Variants in CLUH observed in about 807,000 individuals in gnomAD.
CLUH encodes the protein CLUH binding protein of NUMT mRNA, also known as clustered mitochondria protein homolog.
CLUH carries 77 observed loss-of-function variants against 139.3 expected under a neutral mutation model. The observed-to-expected ratio is 0.55, with a 90% CI of 0.46 to 0.67. The LOEUF is 0.67. CLUH is among the 30% of genes least tolerant of loss of function. The probability of loss-of-function intolerance (pLI) is 0.00; values close to 1 mark genes in which losing one functional copy is unlikely to be tolerated. For synonymous variants in CLUH, 999 were observed against 801.6 expected, an observed-to-expected ratio of 1.25 and a Z score of -4.16; for missense variants, 1,876 against 1,875.8, an observed-to-expected ratio of 1.00 and a Z score of 0.00.
At chr17:2,702,686 G>A (rs918949159) in intron 3 of CLUH, among the ~76,000 whole-genome samples, 4 of 152,116 alleles carry the variant, frequency 2.6e-5, no homozygotes, top group Admixed American at 1.3e-4. Context: ...GCACCTCCCC[G>A]TGCCCGACCT....
rs2069936238 is a variant in CLUH at position 2,696,235 on chromosome 17, T to C, written c.2315A>G (p.Gln772Arg). 6.3e-7 allele frequency: 1 copy of C among 1,575,310 alleles called. No individual in the cohort carries two copies. Among genetic ancestry groups the C allele is most frequent in the Non-Finnish European group, 8.6e-7 (1 of 1,161,074 alleles). ...CTGCTTCTGGTCCCGAACTTCATCC[T>C]GGCAGGACTCAGGGAAACGAACCCC... is the stretch of plus-strand genomic sequence containing the variant. ...SPGVRFPESCQDEVRDQKQLL... is the reference protein window; with the variant it reads ...SPGVRFPESCRDEVRDQKQLL... The change falls in exon 13 of 26, where the codon CAG (glutamine) becomes CGG (arginine). Residue 772 changes from glutamine (Q) to arginine (R), a missense_variant. This residue lies in a region of CLUH where 1,454 missense variants were observed against 1,384.4 expected (regional missense o/e 1.05). Transcript: ENST00000651024.
rs930234409 is a variant in CLUH, at chr17:2,703,702, C to T, written c.304-213G>A. ...CTTTTAAATCCAGGCCATGTCCACA[C>T]ATGCCATGCCCTGTGTGTGCAGCCT... is the stretch of plus-strand genomic sequence containing the variant. On this transcript the variant is annotated intron_variant, in intron 2 of 25. Coordinates refer to ENST00000651024, the MANE Select transcript of CLUH (RefSeq NM_001366661.1). This position sits in a 1 kb window ranked among gnomAD's most constrained non-coding sequence, Gnocchi z 4.2. Among the ~76,000 whole-genome samples the T allele has an allele frequency of 1.3e-5, 2 of 152,198 alleles. No homozygotes were observed. The highest frequency in any genetic ancestry group is 4.8e-5 in the African/African-American group (2 of 41,452).
chr17:2,691,623 G>A lies in CLUH; in HGVS notation c.3849C>T (p.Leu1283=), dbSNP rs750781520. Residue 1283 remains leucine, a synonymous_variant, in exon 25 of 26, where the codon CTC becomes CTT. Transcript: ENST00000651024. ...LEQLNVINGI[L]FIPLSQKDLE... Reference sequence around the variant, plus strand: ...GGAGGCCTCACCTGAGAGGAATGAAGAGGATGCCGTTAATGACGTTCAGCT... The same window carrying A: ...GGAGGCCTCACCTGAGAGGAATGAAAAGGATGCCGTTAATGACGTTCAGCT... 5 of 1,612,692 alleles carry A rather than the reference G, an allele frequency of 3.1e-6. No individual in the cohort carries two copies. The highest frequency in any genetic ancestry group is 2.2e-5 in the East Asian group (1 of 44,798).
At chr17:2,702,533 G>C (rs929256239) in intron 3 of CLUH, among the ~76,000 whole-genome samples, 1 of 152,202 alleles carries the variant, frequency 6.6e-6, no homozygotes, top group Non-Finnish European at 1.5e-5. Flanking sequence ...TCTTTTGGTG[G>C]AGGGGAGAGG....
At chr17:2,693,114 A>G (rs1421862471) in intron 19 of CLUH, among the ~76,000 whole-genome samples, 1 of 142,544 alleles carries the variant, frequency 7.0e-6, no homozygotes, top group Non-Finnish European at 1.5e-5. Flanking sequence ...ACACCCAAAT[A>G]CAAACCTAAA....
At position 2,698,550 on chromosome 17, in the gene CLUH, A is replaced by G; in HGVS notation, c.1307T>C (p.Met436Thr). ...DFTAAATRGAMAVIDGNVMAI... is the reference protein window; with the variant it reads ...DFTAAATRGATAVIDGNVMAI... The stretch of plus-strand genomic sequence containing the variant: ...CATCACGTTGCCGTCAATGACGGCC[A>G]TGGCGCCCCTGGTGGCTGCCGCGGT... Residue 436 changes from methionine to threonine, a missense_variant, in exon 10 of 26, where the codon ATG (methionine) becomes ACG (threonine). Physicochemically the swap from Met to Thr is moderately conservative, Grantham distance 81. Around this residue, in one of 3 missense-constraint regions of CLUH, gnomAD observed 1,454 missense variants for 1,384.4 expected, o/e 1.05. Coordinates refer to ENST00000651024, the MANE Select transcript of CLUH (RefSeq NM_001366661.1). 6.2e-7 allele frequency: 1 copy of G among 1,610,690 alleles called. No homozygotes were observed.
intron 1 of CLUH, among the ~76,000 whole-genome samples, chr17:2,708,308 A>T (rs773658786): frequency 3.9e-5 from 6 of 152,186 alleles, no homozygotes; most frequent in Non-Finnish European, 8.8e-5. Context: ...AGGCCTAGAC[A>T]GAGCCCCTCT....
At chr17:2,694,679 C>T in intron 16 of CLUH, 115 bp from the exon 17 acceptor site, 6 of 1,307,394 alleles carry the variant, frequency 4.6e-6, no homozygotes, top group East Asian at 5.1e-5. Flanking sequence ...CCCCACCCGG[C>T]CCCCGGGAGC....
rs776234896 is a variant in CLUH, at chr17:2,691,762, T to C, written c.3788A>G (p.Lys1263Arg). ...NGSSANIPPL[K>R]FTAPSMASVL... ...GGGGCCGCTCCGCCCCGGACTCACC[T>C]TGAGGGGCGGGATGTTGGCGCTGGA... The change falls in exon 24 of 26, where the codon AAG (lysine) becomes AGG (arginine). Residue 1263 changes from lysine (K) to arginine (R), a missense_variant and splice_region_variant. Transcript: ENST00000651024. The C allele has an allele frequency of 5.0e-6, 8 of 1,596,326 alleles. No individual in the cohort carries two copies. In the South Asian group the frequency reaches 9.0e-5, roughly 18 times the overall value.
Position 2,706,373 on chromosome 17 carries a change from G to A in CLUH, c.101-1809C>T, listed in dbSNP as rs555972424. 6.6e-6 allele frequency among the ~76,000 whole-genome samples: 1 copy of A among 152,070 alleles called. No homozygotes were observed. Among genetic ancestry groups the A allele is most frequent in the Admixed American group, 6.5e-5 (1 of 15,280 alleles). ...GGGTATTTGAAGCCCAGAAAGGCTCGGAGCCTGGCCTAAGGTCAACCAAGT... is the reference window on the plus strand; with the variant it reads ...GGGTATTTGAAGCCCAGAAAGGCTCAGAGCCTGGCCTAAGGTCAACCAAGT... On this transcript the variant is annotated intron_variant, in intron 1 of 25. Transcript: ENST00000651024. This position sits in a 1 kb window ranked among gnomAD's most constrained non-coding sequence, Gnocchi z 4.6.
At position 2,691,952 on chromosome 17, in the gene CLUH, CCCCGCCACGCCCCCG is replaced by C. The variant is rs1450935871; in HGVS notation, c.3654+37_3654+51del. 9.4e-5 allele frequency: 97 copies of C among 1,029,402 alleles called. No homozygotes were observed. In the African/African-American group the frequency reaches 1.8e-3, roughly 19 times the overall value. The allele number at this position is 1,029,402 out of a possible 1,614,324, so 63.8% of individuals were successfully genotyped here. A position where few individuals can be genotyped will look rare whatever the true frequency, so the allele number is the denominator to read the frequency against. On this transcript the variant is annotated intron_variant, in intron 23 of 25. Coordinates refer to ENST00000651024, the MANE Select transcript of CLUH (RefSeq NM_001366661.1). ...CCGTGCCCCCGCGGCCCCGCCCCCG[CCCCGCCACGCCCCCG>C]CCCCGCCCCCGCCCCCGCCACGCCC...
At position 2,706,680 on chromosome 17, in the gene CLUH, C is replaced by G. The variant is rs960118324; in HGVS notation, c.101-2116G>C. Among the ~76,000 whole-genome samples, 1 of 152,158 alleles carries G rather than the reference C, an allele frequency of 6.6e-6. No individual in the cohort carries two copies. Among genetic ancestry groups the G allele is most frequent in the Non-Finnish European group, 1.5e-5 (1 of 68,034 alleles). On this transcript the variant is annotated intron_variant, in intron 1 of 25. Transcript: ENST00000651024. This position sits in a 1 kb window ranked among gnomAD's most constrained non-coding sequence, Gnocchi z 4.6. ...GCAGAAAGACAGCCGGGGCGGTGGT[C>G]GGTCAGCTTGCAAACAGCAAGAGGC...
At chr17:2,698,631 A>C (rs773138605) in intron 9 of CLUH, 41 bp from the exon 10 acceptor site, 15 of 1,499,160 alleles carry the variant, frequency 1.0e-5, no homozygotes, top group Non-Finnish European at 1.3e-5. Flanking sequence ...GGCCGCGCCC[A>C]CAAGAGCCTG....
intron 10 of CLUH, among the ~76,000 whole-genome samples, 162 bp downstream of exon 10, chr17:2,697,734 C>G (rs781196891): frequency 6.6e-6 from 1 of 152,232 alleles, no homozygotes; most frequent in Non-Finnish European, 1.5e-5. Flanking sequence ...GGGAGCCTGA[C>G]AGCAGGGCAG....
chr17:2,708,941 T>C (rs545928663), intron 1 of CLUH, among the ~76,000 whole-genome samples: 1 of 151,192 alleles, frequency 6.6e-6, no homozygotes, highest in Non-Finnish European at 1.5e-5. Flanking sequence ...CCTCCTCTCA[T>C]AGTCCAGGAG....
chr17:2,692,525 C>T lies in CLUH; in HGVS notation c.3439-43G>A, dbSNP rs201783165. Reference sequence around the variant, plus strand: ...GGGGCCCTGGTCAGCTCCCGGTCCCCTGGGATGGAGCTGGGTCCCTGCCGC... The same window carrying T: ...GGGGCCCTGGTCAGCTCCCGGTCCCTTGGGATGGAGCTGGGTCCCTGCCGC... On this transcript the variant is annotated intron_variant, in intron 21 of 25. Transcript: ENST00000651024. 1,937 of 1,599,334 alleles carry T rather than the reference C, an allele frequency of 1.2e-3. 1 individual carries two copies. The highest frequency in any genetic ancestry group is 1.5e-3 in the Non-Finnish European group (1,805 of 1,174,426).
At chr17:2,693,315 G>T (rs1392684342) in intron 19 of CLUH, among the ~76,000 whole-genome samples, 2 of 152,126 alleles carry the variant, frequency 1.3e-5, no homozygotes, top group Non-Finnish European at 2.9e-5. Context: ...AGAATCGCTT[G>T]AGCCCAGGAG....
intron 19 of CLUH, among the ~76,000 whole-genome samples, chr17:2,693,401 C>G (rs62068252): frequency 0.023 from 1,648 of 70,374 alleles, 31 homozygotes; most frequent in Admixed American, 0.1. Context: ...GTCTCAGAAA[C>G]AAACAAACAA....
rs915018292 is a variant in CLUH at position 2,704,740 on chromosome 17, C to G, written c.101-176G>C. ...ACCTGCAGGCCACTTCCACACCCAGCCGCCCCTCCCAGCCACTGTTCCCTG... is the reference window on the plus strand; with the variant it reads ...ACCTGCAGGCCACTTCCACACCCAGGCGCCCCTCCCAGCCACTGTTCCCTG... On this transcript the variant is annotated intron_variant, in intron 1 of 25. Coordinates refer to ENST00000651024, the MANE Select transcript of CLUH (RefSeq NM_001366661.1). This position sits in a 1 kb window ranked among gnomAD's most constrained non-coding sequence, Gnocchi z 5.7. Among the ~76,000 whole-genome samples, 1 of 152,110 alleles carries G rather than the reference C, an allele frequency of 6.6e-6. No individual in the cohort carries two copies. The highest frequency in any genetic ancestry group is 1.5e-5 in the Non-Finnish European group (1 of 68,006).
Sources: allele counts gnomAD v4.1 joint callset (sites outside exome capture counted in the v4.1 genomes callset), GRCh38; gene constraint gnomAD v4.1.1; regional missense constraint gnomAD v4.1.1; non-coding constraint Gnocchi (gnomAD v3.1); transcripts MANE v1.5; gene names NCBI Gene and HGNC (gene_info 2026-07-23, HGNC 2026-07-21).